The following ACACA variants were observed in gnomAD, a reference collection of about 807,000 sequenced individuals.
ACACA encodes the protein acetyl-CoA carboxylase alpha, also known as acetyl-CoA carboxylase 1.
In ACACA, 103 loss-of-function variants were observed where a neutral mutation model predicts 296.1. That is an observed-to-expected ratio of 0.35 (90% CI 0.30 to 0.41). ACACA has a LOEUF of 0.41. ACACA is among the 10% of genes least tolerant of loss of function. The pLI is 1.00. For synonymous variants in ACACA, 953 were observed against 1,038.6 expected (o/e 0.92, Z 1.58); for missense variants, 1,554 against 2,989.7 (o/e 0.52, Z 11.20).
In ACACA at chr17:37,384,470, A is replaced by G. The variant is rs752724600; in HGVS notation, c.38+21792T>C. Among the ~76,000 whole-genome samples, 4 of 152,102 alleles carry G rather than the reference A, an allele frequency of 2.6e-5. No homozygotes were observed. In the East Asian group the frequency reaches 5.8e-4, roughly 22 times the overall value. ...TTCAGTTTGCAAAGTGTTTACACAC[A>G]TGCTTTCTCATTTTTATTTGTTTCT... On this transcript the variant is annotated intron_variant, in intron 1 of 55. Coordinates refer to ENST00000616317, the MANE Select transcript of ACACA (RefSeq NM_198834.3).
At chr17:37,129,124 C>T (rs1410262278) in intron 47 of ACACA, among the ~76,000 whole-genome samples, 16 of 152,138 alleles carry the variant, frequency 1.1e-4, no homozygotes, top group Non-Finnish European at 5.9e-5. Context: ...GAAATGTATT[C>T]GTGACTGCAC....
chr17:37,321,099 A>G (rs1387376186), intron 3 of ACACA, among the ~76,000 whole-genome samples: 1 of 152,204 alleles, frequency 6.6e-6, no homozygotes, highest in East Asian at 1.9e-4. Context: ...TATTATTACC[A>G]TTATTTTTCT....
intron 36 of ACACA, 85 bp from the exon 37 acceptor site, chr17:37,192,390 G>A: frequency 2.4e-6 from 3 of 1,246,510 alleles, no homozygotes; most frequent in Middle Eastern, 1.9e-4. Flanking sequence ...AGAGATGCCT[G>A]AAAATAGAAA....
intron 1 of ACACA, among the ~76,000 whole-genome samples, chr17:37,357,385 C>T (rs1403266139): frequency 2.6e-5 from 4 of 151,992 alleles, no homozygotes; most frequent in Admixed American, 6.6e-5. Flanking sequence ...CCCAGCTACT[C>T]GGGAGGCTGA....
intron 41 of ACACA, among the ~76,000 whole-genome samples, chr17:37,167,181 C>T (rs568635436): frequency 1.4e-5 from 2 of 137,986 alleles, no homozygotes; most frequent in African/African-American, 2.8e-5. Flanking sequence ...AGGTTGGTCT[C>T]GAACTCCTGA....
At chr17:37,378,451 A>G (rs928704019) in intron 1 of ACACA, among the ~76,000 whole-genome samples, 62 of 152,158 alleles carry the variant, frequency 4.1e-4, no homozygotes, top group African/African-American at 1.3e-3. Context: ...GGTGGCTCAC[A>G]CCTGTAATCC....
intron 1 of ACACA, chr17:37,391,627 T>C: frequency 1.2e-6 from 2 of 1,609,974 alleles, no homozygotes; most frequent in South Asian, 2.2e-5. Flanking sequence ...TTAACTTTCA[T>C]ATTTCCTTTC....
At chr17:37,162,856 G>C (rs2076516533) in intron 41 of ACACA, 1 of 165,764 alleles carries the variant, frequency 6.0e-6, no homozygotes, top group South Asian at 1.5e-4. Context: ...CTGGCATCTA[G>C]CTGCACTACG....
At chr17:37,100,122 T>C (rs1248453869) in intron 52 of ACACA, among the ~76,000 whole-genome samples, 2 of 152,146 alleles carry the variant, frequency 1.3e-5, no homozygotes, top group Non-Finnish European at 2.9e-5. Flanking sequence ...ACAATAAGTG[T>C]AGCGGAAATG....
rs2051230738 is a variant in ACACA at position 37,400,120 on chromosome 17, T to C, written c.38+6142A>G. Among the ~76,000 whole-genome samples the C allele has an allele frequency of 2.0e-5, 3 of 152,078 alleles. No individual in the cohort carries two copies. In the South Asian group the frequency reaches 6.2e-4, roughly 32 times the overall value. Reference sequence around the variant, plus strand: ...CAAGCATATATATATTTTTGTTTGTTTGTTTGTTTTTGTTTTTGAGACAGG... The same window carrying C: ...CAAGCATATATATATTTTTGTTTGTCTGTTTGTTTTTGTTTTTGAGACAGG... On this transcript the variant is annotated intron_variant, in intron 1 of 55. Transcript: ENST00000616317.
intron 33 of ACACA, among the ~76,000 whole-genome samples, chr17:37,201,593 G>A (rs2078251069): frequency 6.6e-6 from 1 of 151,874 alleles, no homozygotes; most frequent in Admixed American, 6.6e-5. Context: ...AAAGACATGT[G>A]TTTAGAGGTC....
chr17:37,260,148 C>G (rs1389682893), intron 11 of ACACA, among the ~76,000 whole-genome samples: 1 of 149,110 alleles, frequency 6.7e-6, no homozygotes, highest in Non-Finnish European at 1.5e-5. Flanking sequence ...TACCAAAGTG[C>G]TGGGATTACA....
Position 37,261,478 on chromosome 17 carries a change from C to T in ACACA, c.1330-1948G>A, listed in dbSNP as rs922251320. ...ATTGTATTTCTAAACAAACCACAAA[C>T]CTGGCCTTCAAAAGCCTGCGACTGA... On this transcript the variant is annotated intron_variant, in intron 11 of 55. Coordinates refer to ENST00000616317, the MANE Select transcript of ACACA (RefSeq NM_198834.3). Among the ~76,000 whole-genome samples, 9 of 152,338 alleles carry T rather than the reference C, an allele frequency of 5.9e-5. No individual in the cohort carries two copies. The South Asian group carries it at 1.9e-3, about 32-fold the overall frequency.
At chr17:37,108,975 C>CTAATA in intron 52 of ACACA, among the ~76,000 whole-genome samples, 1 of 152,188 alleles carries the variant, frequency 6.6e-6, no homozygotes, top group East Asian at 1.9e-4. Context: ...CCATTCTGGA[C>CTAATA]TCTGATGTAC....
At chr17:37,160,296 T>C (rs2076409956) in intron 42 of ACACA, among the ~76,000 whole-genome samples, 1 of 152,186 alleles carries the variant, frequency 6.6e-6, no homozygotes, top group Non-Finnish European at 1.5e-5. Context: ...AGATCAAATG[T>C]ACAAGAGGAG....
intron 29 of ACACA, among the ~76,000 whole-genome samples, chr17:37,220,290 T>A (rs1225889092): frequency 6.6e-6 from 1 of 152,042 alleles, no homozygotes; most frequent in Non-Finnish European, 1.5e-5. Flanking sequence ...GGAGAACAAT[T>A]AAGAGAGACA....
rs780416551 is a variant in ACACA at position 37,283,222 on chromosome 17, T to C, written c.610+45A>G. ...CCTACTTAAAGGCTGTGCTGTTCCA[T>C]GTTTTAGTTTTGAGAGTGATGCTTT... is the stretch of plus-strand genomic sequence containing the variant. On this transcript the variant is annotated intron_variant, in intron 5 of 55. Transcript: ENST00000616317. 25 of 1,612,414 alleles carry C rather than the reference T, an allele frequency of 1.6e-5. No individual in the cohort carries two copies. The East Asian group carries it at 4.7e-4, about 30-fold the overall frequency.
intron 1 of ACACA, among the ~76,000 whole-genome samples, chr17:37,340,486 G>C: frequency 6.6e-6 from 1 of 152,194 alleles, no homozygotes; most frequent in East Asian, 1.9e-4. Flanking sequence ...TGCTGAATCA[G>C]AATTGCAGCT....
intron 45 of ACACA, among the ~76,000 whole-genome samples, chr17:37,143,194 A>G (rs1199678444): frequency 1.3e-5 from 2 of 149,182 alleles, no homozygotes; most frequent in Non-Finnish European, 2.9e-5. Context: ...TAGCCTCTCC[A>G]TGCTCATAAC....
Sources: allele counts gnomAD v4.1 joint callset (sites outside exome capture counted in the v4.1 genomes callset), GRCh38; gene constraint gnomAD v4.1.1; transcripts MANE v1.5; gene names NCBI Gene and HGNC (gene_info 2026-07-23, HGNC 2026-07-21).